Variants in NLGN4X observed in about 807,000 individuals in gnomAD.
The protein encoded by NLGN4X is neuroligin 4 X-linked, also known as neuroligin-4, X-linked.
NLGN4X carries 3 observed loss-of-function variants against 40.3 expected under a neutral mutation model. The ratio of observed to expected loss-of-function variants is 0.07; its 90% CI spans 0.03 to 0.19. NLGN4X has a LOEUF of 0.19. Among genes scored for constraint, NLGN4X ranks in the 10% least tolerant of loss-of-function variants. The probability of loss-of-function intolerance (pLI) is 1.00; values close to 1 mark genes in which losing one functional copy is unlikely to be tolerated. For missense variants in NLGN4X, 382 were observed against 708.3 expected (o/e 0.54, Z 5.23); for synonymous variants, 270 against 306.8 (o/e 0.88, Z 1.25).
At chrX:6,108,329 T>C (rs1322039808) in intron 2 of NLGN4X, among the ~76,000 whole-genome samples, 1 of 111,688 alleles carries the variant, frequency 9.0e-6, no homozygotes, top group East Asian at 2.8e-4. Flanking sequence ...CAGGATACTG[T>C]GAATTATTAT....
At chrX:5,962,142 A>G (rs1346748591) in intron 3 of NLGN4X, among the ~76,000 whole-genome samples, 2 of 112,591 alleles carry the variant, frequency 1.8e-5, no homozygotes, top group Non-Finnish European at 3.7e-5. Flanking sequence ...GTACTTATCC[A>G]TATTAGCTAG....
chrX:6,203,742 C>T (rs1174644166), intron 1 of NLGN4X, among the ~76,000 whole-genome samples: 2 of 112,563 alleles, frequency 1.8e-5, no homozygotes, highest in East Asian at 2.8e-4. Context: ...TTGACCACAA[C>T]ATCATGACGG....
intron 2 of NLGN4X, among the ~76,000 whole-genome samples, chrX:6,034,515 T>C (rs888243363): frequency 1.8e-5 from 2 of 112,296 alleles, no homozygotes; most frequent in South Asian, 3.7e-4. Context: ...AGGGGTGAAA[T>C]TGCTGTTTCA....
chrX:5,973,559 A>G (rs1378353838), intron 3 of NLGN4X, among the ~76,000 whole-genome samples: 1 of 112,049 alleles, frequency 8.9e-6, no homozygotes, highest in African/African-American at 3.2e-5. Context: ...TGAAGGGCTC[A>G]TGCCTGTAAT....
At chrX:6,012,550 G>A (rs956936394) in intron 3 of NLGN4X, among the ~76,000 whole-genome samples, 2 of 111,377 alleles carry the variant, frequency 1.8e-5, no homozygotes, top group Non-Finnish European at 3.8e-5. Context: ...GGGTGGAGTG[G>A]GTTGCGTAAT....
intron 3 of NLGN4X, among the ~76,000 whole-genome samples, chrX:5,975,612 CAAAA>C (rs60917858): frequency 0.027 from 1,440 of 53,876 alleles, 28 homozygotes; most frequent in African/African-American, 0.091. Context: ...GACTCCGTTT[CAAAA>C]AAAAAAAAAA....
intron 1 of NLGN4X, among the ~76,000 whole-genome samples, chrX:6,172,831 G>A (rs767205520): frequency 3.4e-4 from 38 of 112,067 alleles, no homozygotes; most frequent in Non-Finnish European, 7.1e-4. Context: ...CCAAATGCCA[G>A]TTATGGAATA....
intron 4 of NLGN4X, among the ~76,000 whole-genome samples, chrX:5,904,606 T>C (rs1202157293): frequency 8.9e-6 from 1 of 112,235 alleles, no homozygotes; most frequent in Admixed American, 9.5e-5. Context: ...TGAAAAAGCA[T>C]GGGCAATTTT....
chrX:6,177,764 T>C (rs767474145), intron 1 of NLGN4X, among the ~76,000 whole-genome samples: 1 of 111,275 alleles, frequency 9.0e-6, no homozygotes, highest in East Asian at 2.8e-4. Context: ...GCAAGGCTCA[T>C]CTCTCTCCCT....
At chrX:6,010,552 G>A (rs1275521303) in intron 3 of NLGN4X, among the ~76,000 whole-genome samples, 4 of 33,464 alleles carry the variant, frequency 1.2e-4, no homozygotes, top group Admixed American at 6.1e-4. Flanking sequence ...TATTTTAGAC[G>A]AAGTCTTGCT....
At chrX:6,044,312 C>T (rs890947020) in intron 2 of NLGN4X, among the ~76,000 whole-genome samples, 2 of 110,602 alleles carry the variant, frequency 1.8e-5, no homozygotes, top group South Asian at 3.9e-4. Flanking sequence ...TCACTCATCT[C>T]TCTTTCAGTG....
At chrX:5,946,186 G>GC (rs1569146642) in intron 3 of NLGN4X, among the ~76,000 whole-genome samples, 2 of 111,212 alleles carry the variant, frequency 1.8e-5, no homozygotes, top group Non-Finnish European at 3.8e-5. Flanking sequence ...TCCTCTAGAT[G>GC]CAAGTGATAC....
intron 2 of NLGN4X, among the ~76,000 whole-genome samples, chrX:6,054,531 G>C (rs2037570395): frequency 9.1e-6 from 1 of 110,428 alleles, no homozygotes; most frequent in Admixed American, 9.7e-5. Flanking sequence ...GAGGTGGGAG[G>C]ATCACTTGAC....
intron 3 of NLGN4X, among the ~76,000 whole-genome samples, chrX:5,926,422 A>G (rs750208119): frequency 1.3e-4 from 14 of 111,055 alleles, no homozygotes; most frequent in African/African-American, 4.6e-4. Context: ...TGCATATATT[A>G]TCTGAAATTT....
chrX:6,178,826 G>A (rs1027931860), intron 1 of NLGN4X, among the ~76,000 whole-genome samples: 2 of 111,350 alleles, frequency 1.8e-5, no homozygotes, highest in African/African-American at 6.5e-5. Flanking sequence ...CTACGTGGCT[G>A]GGCGTGGCGG....
At chrX:5,906,574 C>G (rs778327492) in intron 4 of NLGN4X, among the ~76,000 whole-genome samples, 5 of 111,588 alleles carry the variant, frequency 4.5e-5, no homozygotes, top group Non-Finnish European at 9.4e-5. Context: ...TGGAGTGGAA[C>G]CTCACAGCTC....
At chrX:6,102,643 T>TAC in intron 2 of NLGN4X, among the ~76,000 whole-genome samples, 1 of 104,412 alleles carries the variant, frequency 9.6e-6, no homozygotes, top group Admixed American at 1.1e-4. Flanking sequence ...TTGATAGATA[T>TAC]ATACATACAT....
intron 3 of NLGN4X, among the ~76,000 whole-genome samples, chrX:5,920,453 G>A (rs1469580778): frequency 8.9e-6 from 1 of 112,261 alleles, no homozygotes; most frequent in Non-Finnish European, 1.9e-5. Flanking sequence ...TTTGGAAGAA[G>A]TCCACTGCAG....
At chrX:5,898,274 T>C (rs1301333360) in intron 5 of NLGN4X, among the ~76,000 whole-genome samples, 1 of 90,319 alleles carries the variant, frequency 1.1e-5, no homozygotes, top group Admixed American at 1.2e-4. Flanking sequence ...TACTCCTTTC[T>C]TGATTCCCTC....
Sources: gnomAD v4.1 joint callset for allele counts (sites outside exome capture counted in the v4.1 genomes callset) on GRCh38, gnomAD v4.1.1 for gene constraint, MANE v1.5 for transcripts, NCBI Gene and HGNC (gene_info 2026-07-23, HGNC 2026-07-21) for gene names.